The following MPP2 variants were observed in gnomAD, a reference collection of about 807,000 sequenced individuals.
MPP2 encodes the protein MAGUK p55 subfamily member 2.
Under a neutral mutation model 58.5 loss-of-function variants are expected in MPP2, and 42 were observed. That is an observed-to-expected ratio of 0.72 (90% CI 0.56 to 0.93). The LOEUF is 0.93. Ranked by LOEUF, MPP2 falls within the 40% of genes least tolerant of loss-of-function variation. The probability of loss-of-function intolerance (pLI) is 0.00; values close to 1 mark genes in which losing one functional copy is unlikely to be tolerated. For missense variants in MPP2, 632 were observed against 760.4 expected, an observed-to-expected ratio of 0.83 and a Z score of 1.99; for synonymous variants, 300 against 307.8, an observed-to-expected ratio of 0.97 and a Z score of 0.26.
In MPP2 at chr17:43,879,743, G is replaced by C. The variant is rs768136379; in HGVS notation, c.1353+39C>G. The C allele has an allele frequency of 1.2e-5, 19 of 1,605,786 alleles. No homozygotes were observed. The highest frequency in any genetic ancestry group is 1.6e-5 in the Non-Finnish European group (19 of 1,175,322). On this transcript the variant is annotated intron_variant, in intron 11 of 12. Transcript: ENST00000269095. The surrounding 1 kb of genome is among the most constrained non-coding windows in gnomAD (Gnocchi z 4.1). ...TGGGGGAGCAATGAGGCAGCAGAGA[G>C]GACATTGGGCAGGCTGGGAAGGAGC...
intron 2 of MPP2, among the ~76,000 whole-genome samples, chr17:43,900,780 G>A (rs1457392782): frequency 6.6e-6 from 1 of 152,152 alleles, no homozygotes; most frequent in African/African-American, 2.4e-5. Flanking sequence ...GAAGAGTGGT[G>A]GGAGGGAGCC....
At chr17:43,908,878 G>A (rs1243393694), upstream of MPP2, among the ~76,000 whole-genome samples, 1 of 152,190 alleles carries the variant, frequency 6.6e-6, no homozygotes, top group African/African-American at 2.4e-5. Flanking sequence ...CACAGAGGCG[G>A]CCGAACTGCT....
Position 43,907,137 on chromosome 17 carries a change from G to A in MPP2, c.-34+337C>T, listed in dbSNP as rs2048323955. The A allele has an allele frequency of 8.2e-6, 8 of 977,520 alleles. No individual in the cohort carries two copies. In the South Asian group the frequency reaches 3.3e-4, roughly 40 times the overall value. 60.6% of individuals were successfully genotyped at this position (977,520 alleles called of 1,614,324 possible). ...AACAGCACGGTTCTTACGTAATGCC[G>A]GGCTTCTAAGTACCCCCAACCCGCA... is the stretch of plus-strand genomic sequence containing the variant. On this transcript the variant is annotated intron_variant, in intron 1 of 12. Transcript: ENST00000269095.
At chr17:43,896,637 G>T (rs2047858677) in intron 3 of MPP2, among the ~76,000 whole-genome samples, 1 of 151,842 alleles carries the variant, frequency 6.6e-6, no homozygotes. Flanking sequence ...ACGTGCCCTG[G>T]ACCAAAGCCC....
chr17:43,894,418 A>AATATATATATATATAT (rs1382579250), intron 3 of MPP2, among the ~76,000 whole-genome samples: 16 of 77,380 alleles, frequency 2.1e-4, no homozygotes, highest in South Asian at 1.7e-3. Flanking sequence ...TCCATCTCAA[A>AATATATATATATATAT]ATATATATAT....
chr17:43,880,925 G>A lies in MPP2; in HGVS notation c.989-73C>T. 1 of 1,555,552 alleles carries A rather than the reference G, an allele frequency of 6.4e-7. No homozygotes were observed. The highest frequency in any genetic ancestry group is 8.7e-7 in the Non-Finnish European group (1 of 1,146,106). ...GGGGCGGAGCTCTCAGGGAGGCTGA[G>A]GGCAAGAGGGCTTGGAACAGGGGAG... On this transcript the variant is annotated intron_variant, in intron 9 of 12. Coordinates refer to ENST00000269095, the MANE Select transcript of MPP2 (RefSeq NM_005374.5). The surrounding 1 kb of genome is among the most constrained non-coding windows in gnomAD (Gnocchi z 5.2).
intron 3 of MPP2, chr17:43,884,143 A>G: frequency 2.8e-6 from 2 of 702,662 alleles, no homozygotes; most frequent in Non-Finnish European, 5.2e-6. Context: ...ATAAACCACA[A>G]TACCATTATC....
At chr17:43,901,626 GGAGA>G (rs1308852316) in intron 2 of MPP2, 1 of 978,472 alleles carries the variant, frequency 1.0e-6, no homozygotes, top group Non-Finnish European at 1.2e-6. Context: ...CAGGGATGGA[GGAGA>G]GATTTAAAGG....
chr17:43,889,805 G>GTTT (rs869131021), intron 3 of MPP2, among the ~76,000 whole-genome samples: 1,100 of 37,792 alleles, frequency 0.029, 153 homozygotes, highest in African/African-American at 0.069. Flanking sequence ...GTCCAAATGC[G>GTTT]TTTTTTTTTT....
At chr17:43,897,309 C>A (rs1379266513) in intron 3 of MPP2, among the ~76,000 whole-genome samples, 2 of 152,074 alleles carry the variant, frequency 1.3e-5, no homozygotes, top group Non-Finnish European at 2.9e-5. Flanking sequence ...TGGAGAAACC[C>A]CATCTCTACT....
chr17:43,894,774 A>T, intron 3 of MPP2, among the ~76,000 whole-genome samples: 1 of 151,576 alleles, frequency 6.6e-6, no homozygotes, highest in Middle Eastern at 3.2e-3. Context: ...CCTCTACAAA[A>T]AAATTTAAAG....
chr17:43,879,879 T>A lies in MPP2; in HGVS notation c.1256A>T (p.His419Leu). The change falls in exon 11 of 13, where the codon CAT becomes CTT. Residue 419 changes from histidine to leucine, a missense_variant. Coordinates refer to ENST00000269095, the MANE Select transcript of MPP2 (RefSeq NM_005374.5). This position sits in a 1 kb window ranked among gnomAD's most constrained non-coding sequence, Gnocchi z 4.1. ...ATACAGGTTGCCCTCGTATTCGCCA[T>A]GCTCCAGGTAGCGCCCAGCACGGAC... ...ADVRAGRYLE[H>L]GEYEGNLYGT... The A allele has an allele frequency of 1.2e-6, 2 of 1,614,048 alleles. No homozygotes were observed. The highest frequency in any genetic ancestry group is 1.7e-6 in the Non-Finnish European group (2 of 1,179,988).
chr17:43,889,056 G>A (rs1251440072), intron 3 of MPP2, among the ~76,000 whole-genome samples: 1 of 151,668 alleles, frequency 6.6e-6, no homozygotes, highest in Non-Finnish European at 1.5e-5. Context: ...CTCCCGAACA[G>A]CTGGGACTAC....
At chr17:43,890,104 A>T (rs1450413374) in intron 3 of MPP2, among the ~76,000 whole-genome samples, 1 of 151,600 alleles carries the variant, frequency 6.6e-6, no homozygotes, top group Non-Finnish European at 1.5e-5. Context: ...GAGCCACCGC[A>T]CCCGGCCGTA....
intron 3 of MPP2, among the ~76,000 whole-genome samples, chr17:43,894,861 T>C (rs1436146153): frequency 6.6e-6 from 1 of 151,858 alleles, no homozygotes; most frequent in African/African-American, 2.4e-5. Context: ...GAGGATCATT[T>C]GAGCCCAGGA....
Position 43,879,713 on chromosome 17 carries a change from C to CA in MPP2, c.1353+68_1353+69insT, listed in dbSNP as rs2047013547. 6.4e-7 allele frequency: 1 copy of CA among 1,554,796 alleles called. No homozygotes were observed. Among genetic ancestry groups the CA allele is most frequent in the African/African-American group, 1.4e-5 (1 of 73,654 alleles). On this transcript the variant is annotated intron_variant, in intron 11 of 12. Coordinates refer to ENST00000269095, the MANE Select transcript of MPP2 (RefSeq NM_005374.5). The surrounding 1 kb of genome is among the most constrained non-coding windows in gnomAD (Gnocchi z 4.1). The stretch of plus-strand genomic sequence containing the variant: ...GTGTTCAGGTGACAGGTGTCTGGAA[C>CA]TATATGGGGGAGCAATGAGGCAGCA...
chr17:43,907,592 G>T, upstream of MPP2: 1 of 985,550 alleles, frequency 1.0e-6, no homozygotes, highest in South Asian at 4.7e-5. Context: ...GCGAGGGGGC[G>T]GAGGTCCGGA....
rs200275589 is a variant in MPP2 at position 43,879,821 on chromosome 17, G to A, written c.1314C>T (p.Val438=). 6.2e-5 allele frequency: 100 copies of A among 1,613,882 alleles called. No homozygotes were observed. The African/African-American group carries it at 1.1e-3, about 19-fold the overall frequency. ...GTRIDSIRGV[V]AAGKVCVLDV... Reference sequence around the variant, plus strand: ...CCAGCACGCACACCTTCCCAGCAGCGACCACGCCCCGGATGGAGTCAATAC... The same window carrying A: ...CCAGCACGCACACCTTCCCAGCAGCAACCACGCCCCGGATGGAGTCAATAC... The change falls in exon 11 of 13, where the codon GTC becomes GTT. Residue 438 remains valine, a synonymous_variant. Transcript: ENST00000269095. The surrounding 1 kb of genome is among the most constrained non-coding windows in gnomAD (Gnocchi z 4.1).
intron 12 of MPP2, 146 bp from the exon 13 acceptor site, chr17:43,878,129 T>C: frequency 2.7e-6 from 2 of 751,354 alleles, no homozygotes; most frequent in Non-Finnish European, 4.2e-6. Flanking sequence ...GGCCCCTCTC[T>C]GCGTGCCTCA....
Sources: gnomAD v4.1 joint callset for allele counts (sites outside exome capture counted in the v4.1 genomes callset) on GRCh38, gnomAD v4.1.1 for gene constraint, Gnocchi (gnomAD v3.1) non-coding constraint, MANE v1.5 for transcripts, NCBI Gene and HGNC (gene_info 2026-07-23, HGNC 2026-07-21) for gene names.